SLIT2: variants seen among roughly 807,000 people sequenced by gnomAD.
The protein encoded by SLIT2 is slit homolog 2 protein.
Under a neutral mutation model 185.7 loss-of-function variants are expected in SLIT2, and 41 were observed. The observed-to-expected ratio is 0.22, with a 90% CI of 0.17 to 0.29. SLIT2 has a LOEUF of 0.29. SLIT2 is among the 10% of genes least tolerant of loss of function. The pLI, the probability that SLIT2 is intolerant of heterozygous loss-of-function variation, is 1.00. For synonymous variants in SLIT2, 693 were observed against 680.2 expected (o/e 1.02, Z -0.29); for missense variants, 1,571 against 1,909.0 (o/e 0.82, Z 3.30).
intron 5 of SLIT2, among the ~76,000 whole-genome samples, chr4:20,475,258 C>A (rs931318801): frequency 6.6e-6 from 1 of 151,894 alleles, no homozygotes; most frequent in Non-Finnish European, 1.5e-5. Flanking sequence ...ATAGGAAATA[C>A]CCACTTTATT....
chr4:20,273,102 A>G (rs1372853379), intron 4 of SLIT2, among the ~76,000 whole-genome samples: 1 of 152,066 alleles, frequency 6.6e-6, no homozygotes. Flanking sequence ...AATTTTTTTT[A>G]TTAAGGTAAT....
intron 4 of SLIT2, among the ~76,000 whole-genome samples, chr4:20,418,487 T>A (rs939140429): frequency 6.6e-6 from 1 of 152,220 alleles, no homozygotes; most frequent in African/African-American, 2.4e-5. Flanking sequence ...CTAGTTATAC[T>A]GAGGGCGGCC....
At chr4:20,525,007 A>G (rs1721159536) in intron 14 of SLIT2, 142 bp from the exon 15 acceptor site, 1 of 661,330 alleles carries the variant, frequency 1.5e-6, no homozygotes, top group South Asian at 1.8e-5. Flanking sequence ...ACTGTACATT[A>G]TTGTACTTCA....
In SLIT2 at chr4:20,412,578, C is replaced by G. The variant is rs147606160; in HGVS notation, c.396-55174C>G. On this transcript the variant is annotated intron_variant, in intron 4 of 36. Coordinates refer to ENST00000504154, the MANE Select transcript of SLIT2 (RefSeq NM_004787.4). ...GATAGGCAAATACTATTTTGTCATG[C>G]AAGCATCATTTTATTTCAGATATCT... Among the ~76,000 whole-genome samples, 761 of 152,136 alleles carry G rather than the reference C, an allele frequency of 5.0e-3. 2 individuals carry two copies. Among genetic ancestry groups the G allele is most frequent in the Non-Finnish European group, 8.0e-3 (542 of 67,940 alleles).
intron 30 of SLIT2, among the ~76,000 whole-genome samples, chr4:20,592,817 T>G (rs1204782362): frequency 1.3e-5 from 2 of 152,308 alleles, no homozygotes; most frequent in East Asian, 3.9e-4. Flanking sequence ...TCAGACTTGT[T>G]GTTTACTTTG....
chr4:20,292,039 G>T (rs1279120445), intron 4 of SLIT2, among the ~76,000 whole-genome samples: 2 of 152,006 alleles, frequency 1.3e-5, no homozygotes, highest in African/African-American at 4.8e-5. Flanking sequence ...TTTGTCTTCA[G>T]GTTTGGTGCA....
rs1006494829 is a variant in SLIT2, at chr4:20,477,505, A to G, written c.468-3211A>G. Reference sequence around the variant, plus strand: ...TGAGCCACCACGCCTAGCCGAGGTCATGAATGTTATTCTTGACCCCATCAT... The same window carrying G: ...TGAGCCACCACGCCTAGCCGAGGTCGTGAATGTTATTCTTGACCCCATCAT... On this transcript the variant is annotated intron_variant, in intron 5 of 36. Transcript: ENST00000504154. Among the ~76,000 whole-genome samples, 6 of 152,120 alleles carry G rather than the reference A, an allele frequency of 3.9e-5. 1 individual carries two copies. Among genetic ancestry groups the G allele is most frequent in the Non-Finnish European group, 8.8e-5 (6 of 68,030 alleles).
Position 20,595,781 on chromosome 4 carries a change from C to A in SLIT2, c.3267C>A (p.Ala1089=), listed in dbSNP as rs1727929513. 6.2e-7 allele frequency: 1 copy of A among 1,613,886 alleles called. No individual in the cohort carries two copies. Among genetic ancestry groups the A allele is most frequent in the Non-Finnish European group, 8.5e-7 (1 of 1,179,976 alleles). Residue 1089 remains alanine (A), a synonymous_variant, in exon 31 of 37, where the codon GCC becomes GCA. Transcript: ENST00000504154. The part of the protein sequence containing the change: ...DCQDNKCKNG[A]HCTDAVNGYT... ...AAGACAACAAGTGTAAAAACGGAGC[C>A]CACTGCACAGATGCAGTGAACGGCT...
intron 4 of SLIT2, among the ~76,000 whole-genome samples, chr4:20,393,999 C>T (rs1457584747): frequency 6.6e-6 from 1 of 151,946 alleles, no homozygotes; most frequent in Non-Finnish European, 1.5e-5. Flanking sequence ...CACAGCATGA[C>T]TTAATAAAAG....
intron 34 of SLIT2, among the ~76,000 whole-genome samples, chr4:20,614,551 G>T (rs1729492367): frequency 6.6e-6 from 1 of 152,050 alleles, no homozygotes; most frequent in African/African-American, 2.4e-5. Flanking sequence ...GCTGAGGCGG[G>T]TGGATCACCT....
intron 4 of SLIT2, among the ~76,000 whole-genome samples, chr4:20,433,339 A>T (rs919304567): frequency 6.6e-6 from 1 of 152,232 alleles, no homozygotes; most frequent in African/African-American, 2.4e-5. Context: ...AACTTGTTAG[A>T]CACAAAAGCA....
At chr4:20,469,751 C>CTTTTTTTTTTT (rs33912349) in intron 5 of SLIT2, among the ~76,000 whole-genome samples, 14 of 90,754 alleles carry the variant, frequency 1.5e-4, no homozygotes, top group South Asian at 4.1e-4. Context: ...TTAGTTTTTA[C>CTTTTTTTTTTT]TTTTTTTTTT....
At chr4:20,402,850 G>A (rs970242131) in intron 4 of SLIT2, among the ~76,000 whole-genome samples, 1 of 151,596 alleles carries the variant, frequency 6.6e-6, no homozygotes, top group African/African-American at 2.4e-5. Flanking sequence ...ACCTAAGAAG[G>A]TAATATAAGT....
At chr4:20,514,057 G>T (rs768448355) in intron 11 of SLIT2, among the ~76,000 whole-genome samples, 11 of 152,172 alleles carry the variant, frequency 7.2e-5, no homozygotes, top group Non-Finnish European at 1.0e-4. Flanking sequence ...GAAGAATTGT[G>T]CTGGAGATCA....
At chr4:20,452,833 GCCTTTCTGCTGA>G (rs1467863752) in intron 4 of SLIT2, among the ~76,000 whole-genome samples, 1 of 152,194 alleles carries the variant, frequency 6.6e-6, no homozygotes, top group Non-Finnish European at 1.5e-5. Context: ...GGGAACCGAG[GCCTTTCTGCTGA>G]CAGAGCAGGT....
intron 4 of SLIT2, among the ~76,000 whole-genome samples, chr4:20,411,227 C>T (rs897621737): frequency 6.6e-6 from 1 of 152,170 alleles, no homozygotes; most frequent in African/African-American, 2.4e-5. Flanking sequence ...TGCCCAGACA[C>T]AGCTTGTCGA....
At chr4:20,506,548 A>G (rs1359977868) in intron 9 of SLIT2, among the ~76,000 whole-genome samples, 1 of 151,892 alleles carries the variant, frequency 6.6e-6, no homozygotes, top group African/African-American at 2.4e-5. Flanking sequence ...TTATTATTTC[A>G]CTTCTTTATT....
intron 4 of SLIT2, among the ~76,000 whole-genome samples, chr4:20,271,246 T>A (rs866005094): frequency 6.6e-6 from 1 of 151,258 alleles, no homozygotes; most frequent in South Asian, 2.1e-4. Context: ...ACAAAGGATA[T>A]GGAATTTTTG....
chr4:20,587,002 A>G (rs937494439), intron 29 of SLIT2, among the ~76,000 whole-genome samples: 1 of 151,998 alleles, frequency 6.6e-6, no homozygotes, highest in Non-Finnish European at 1.5e-5. Context: ...TAGCATTATA[A>G]TGTTCGGTGA....
Sources: allele counts gnomAD v4.1 joint callset (sites outside exome capture counted in the v4.1 genomes callset), GRCh38; gene constraint gnomAD v4.1.1; transcripts MANE v1.5; gene names NCBI Gene and HGNC (gene_info 2026-07-23, HGNC 2026-07-21).